FBXL17: variants seen among roughly 807,000 people sequenced by gnomAD.
FBXL17 encodes F-box and leucine rich repeat protein 17.
FBXL17 carries 22 observed loss-of-function variants against 66.2 expected under a neutral mutation model. The observed-to-expected ratio is 0.33, with a 90% CI of 0.24 to 0.47. FBXL17 has a LOEUF of 0.47. FBXL17 is among the 20% of genes least tolerant of loss of function. The pLI, the probability that FBXL17 is intolerant of heterozygous loss-of-function variation, is 1.00. For missense variants in FBXL17, 878 were observed against 948.2 expected (o/e 0.93, Z 0.97); for synonymous variants, 474 against 400.5 (o/e 1.18, Z -2.19).
In FBXL17 at chr5:108,376,863, T is replaced by C. The variant is rs1259807761; in HGVS notation, c.993+3836A>G. Among the ~76,000 whole-genome samples the C allele has an allele frequency of 2.0e-5, 3 of 149,932 alleles. No homozygotes were observed. The East Asian group carries it at 5.9e-4, about 29-fold the overall frequency. ...GTGCAGCGGTGTGATCTCGGCTCACTGCAACCTCCACCCACGGGTTCAAGC... is the reference window on the plus strand; with the variant it reads ...GTGCAGCGGTGTGATCTCGGCTCACCGCAACCTCCACCCACGGGTTCAAGC... On this transcript the variant is annotated intron_variant, in intron 1 of 8. Transcript: ENST00000542267.
intron 6 of FBXL17, among the ~76,000 whole-genome samples, chr5:108,039,285 A>G (rs1292550652): frequency 2.6e-5 from 4 of 152,098 alleles, no homozygotes; most frequent in African/African-American, 9.6e-5. Flanking sequence ...AGGAAATGAT[A>G]TGATGTTTTA....
rs138670315 is a variant in FBXL17, at chr5:108,346,512, T to C, written c.1506+1887A>G. ...GATTGCCAATAAAACTATTTCTTTA[T>C]GTTTACTCAACAAGAAAAATAAAAG... is the stretch of plus-strand genomic sequence containing the variant. On this transcript the variant is annotated intron_variant, in intron 4 of 8. Transcript: ENST00000542267. Among the ~76,000 whole-genome samples, 1,045 of 152,264 alleles carry C rather than the reference T, an allele frequency of 6.9e-3. 18 individuals carry two copies. Among genetic ancestry groups the C allele is most frequent in the African/African-American group, 0.024 (987 of 41,578 alleles).
intron 4 of FBXL17, among the ~76,000 whole-genome samples, chr5:108,262,174 T>A (rs534066533): frequency 1.3e-5 from 2 of 151,598 alleles, no homozygotes; most frequent in Non-Finnish European, 2.9e-5. Context: ...CCTCCCGGGT[T>A]CACGCCATTC....
intron 4 of FBXL17, among the ~76,000 whole-genome samples, chr5:108,269,894 C>T (rs567708620): frequency 6.6e-6 from 1 of 152,090 alleles, no homozygotes; most frequent in African/African-American, 2.4e-5. Flanking sequence ...AACCTAGGTA[C>T]TGCCCTAAAA....
At chr5:107,949,075 G>A (rs769229655) in intron 7 of FBXL17, among the ~76,000 whole-genome samples, 1 of 151,826 alleles carries the variant, frequency 6.6e-6, no homozygotes, top group Non-Finnish European at 1.5e-5. Flanking sequence ...ACCAAAAATG[G>A]CTTAGGGCAT....
intron 4 of FBXL17, among the ~76,000 whole-genome samples, chr5:108,265,714 TTTC>T (rs1461355902): frequency 6.6e-6 from 1 of 152,188 alleles, no homozygotes; most frequent in Admixed American, 6.5e-5. Flanking sequence ...CAGGATCTGT[TTTC>T]TTTTTTGTTT....
At chr5:108,204,494 G>T (rs7729743) in intron 5 of FBXL17, among the ~76,000 whole-genome samples, 4 of 152,018 alleles carry the variant, frequency 2.6e-5, no homozygotes, top group Admixed American at 2.6e-4. Context: ...CCTAAAAAAA[G>T]GTCTTCTTGA....
intron 5 of FBXL17, among the ~76,000 whole-genome samples, chr5:108,201,052 G>A (rs1753874111): frequency 1.3e-5 from 2 of 152,096 alleles, no homozygotes; most frequent in Admixed American, 1.3e-4. Flanking sequence ...ACACTCTACT[G>A]TCTCATAAAT....
At chr5:108,327,806 A>G (rs1258299393) in intron 4 of FBXL17, among the ~76,000 whole-genome samples, 2 of 152,136 alleles carry the variant, frequency 1.3e-5, no homozygotes, top group Non-Finnish European at 2.9e-5. Context: ...TCCTTTGGTC[A>G]TGAAGAAGAG....
At chr5:108,377,543 A>G (rs1398463229) in intron 1 of FBXL17, among the ~76,000 whole-genome samples, 2 of 152,250 alleles carry the variant, frequency 1.3e-5, no homozygotes, top group Non-Finnish European at 2.9e-5. Context: ...GTAGAAGCCC[A>G]CGCGAGAATG....
intron 6 of FBXL17, among the ~76,000 whole-genome samples, chr5:108,078,485 C>T (rs1156937783): frequency 1.3e-5 from 2 of 152,084 alleles, no homozygotes; most frequent in African/African-American, 2.4e-5. Context: ...CAGAAGTGGC[C>T]CTGCAAAGCT....
At chr5:108,236,054 T>C (rs988253956) in intron 4 of FBXL17, among the ~76,000 whole-genome samples, 3 of 152,130 alleles carry the variant, frequency 2.0e-5, no homozygotes, top group Non-Finnish European at 4.4e-5. Context: ...TGAAGTGAAC[T>C]GAAAAACCAA....
intron 7 of FBXL17, among the ~76,000 whole-genome samples, chr5:107,895,272 A>G (rs954682437): frequency 7.2e-5 from 11 of 152,062 alleles, no homozygotes; most frequent in African/African-American, 2.7e-4. Context: ...GAAGACTGGT[A>G]CCCTCATGCC....
intron 6 of FBXL17, among the ~76,000 whole-genome samples, chr5:108,030,119 C>T (rs1754980618): frequency 6.6e-6 from 1 of 152,108 alleles, no homozygotes; most frequent in Non-Finnish European, 1.5e-5. Flanking sequence ...AATATTGTCA[C>T]TAAATCAACA....
chr5:108,025,721 G>GCA (rs1561373832), intron 6 of FBXL17, among the ~76,000 whole-genome samples: 13 of 120,216 alleles, frequency 1.1e-4, no homozygotes, highest in East Asian at 1.0e-3. Flanking sequence ...ACACACACGC[G>GCA]CGCGCGCACA....
At chr5:108,019,684 A>G (rs541907776) in intron 7 of FBXL17, among the ~76,000 whole-genome samples, 6 of 151,910 alleles carry the variant, frequency 3.9e-5, no homozygotes, top group South Asian at 4.2e-4. Context: ...CTCTCTCTCA[A>G]TATGCCGTGT....
intron 7 of FBXL17, among the ~76,000 whole-genome samples, chr5:107,959,298 T>C (rs1420913271): frequency 6.6e-6 from 1 of 152,044 alleles, no homozygotes; most frequent in Non-Finnish European, 1.5e-5. Context: ...AAGTACCTTA[T>C]ATATTTTCAA....
chr5:107,960,842 G>A (rs1751873254), intron 7 of FBXL17, among the ~76,000 whole-genome samples: 1 of 152,112 alleles, frequency 6.6e-6, no homozygotes, highest in African/African-American at 2.4e-5. Context: ...CTGGGAAATC[G>A]AGATACAGGT....
chr5:108,282,621 C>T (rs1265314872), intron 4 of FBXL17, among the ~76,000 whole-genome samples: 1 of 151,638 alleles, frequency 6.6e-6, no homozygotes, highest in Non-Finnish European at 1.5e-5. Context: ...AGGATACCCA[C>T]TTTACTATTC....
Sources: gnomAD v4.1 joint callset for allele counts (sites outside exome capture counted in the v4.1 genomes callset) on GRCh38, gnomAD v4.1.1 for gene constraint, MANE v1.5 for transcripts, NCBI Gene and HGNC (gene_info 2026-07-23, HGNC 2026-07-21) for gene names.